TAOK3: variants seen among roughly 807,000 people sequenced by gnomAD.
TAOK3 encodes serine/threonine-protein kinase TAO3.
TAOK3 carries 40 observed loss-of-function variants against 120.4 expected under a neutral mutation model. The observed-to-expected ratio is 0.33, with a 90% confidence interval of 0.26 to 0.43. The LOEUF (loss-of-function observed/expected upper bound fraction) is 0.43, where lower values mean the gene tolerates loss of function less well. TAOK3 is among the 20% of genes least tolerant of loss of function. The probability of loss-of-function intolerance (pLI) is 1.00; values close to 1 mark genes in which losing one functional copy is unlikely to be tolerated. For missense variants in TAOK3, 821 were observed against 1,112.1 expected (o/e 0.74, Z 3.72); for synonymous variants, 355 against 387.5 (o/e 0.92, Z 0.99).
At position 118,372,886 on chromosome 12, in the gene TAOK3, T is replaced by G. The variant is rs1004024551; in HGVS notation, c.-432A>C. The G allele has an allele frequency of 6.5e-6, 1 of 154,464 alleles. No individual in the cohort carries two copies. Among genetic ancestry groups the G allele is most frequent in the African/African-American group, 2.4e-5 (1 of 41,472 alleles). 9.6% of individuals were successfully genotyped at this position (154,464 alleles called of 1,614,324 possible). A position where few individuals can be genotyped will look rare whatever the true frequency, so the allele number is the denominator to read the frequency against. ...ACCCTCCCGCGGCCGCCGCCGCTGCTGCTGTCCGAGGTGCGGCTCCTGCCA... is the reference window on the plus strand; with the variant it reads ...ACCCTCCCGCGGCCGCCGCCGCTGCGGCTGTCCGAGGTGCGGCTCCTGCCA... On this transcript the variant is annotated 5_prime_UTR_variant, in exon 1 of 21. Transcript: ENST00000392533. This position sits in a 1 kb window ranked among gnomAD's most constrained non-coding sequence, Gnocchi z 4.6.
Position 118,160,740 on chromosome 12 carries a change from CCCT to C in TAOK3, c.2140-385_2140-383del, listed in dbSNP as rs1392888841. On this transcript the variant is annotated intron_variant, in intron 18 of 20. Transcript: ENST00000392533. The surrounding 1 kb of genome is among the most constrained non-coding windows in gnomAD (Gnocchi z 4.2). ...TCTTCCATTGTTCATTGTTTTTCCCCCCTTTTTTTTTGTTTCTGTGTTTCACCC... is the reference window on the plus strand; with the variant it reads ...TCTTCCATTGTTCATTGTTTTTCCCCTTTTTTTTGTTTCTGTGTTTCACCC... 6.6e-6 allele frequency among the ~76,000 whole-genome samples: 1 copy of C among 152,104 alleles called. No homozygotes were observed. The highest frequency in any genetic ancestry group is 2.4e-5 in the African/African-American group (1 of 41,412).
At chr12:118,285,322 C>T (rs983484657) in intron 1 of TAOK3, among the ~76,000 whole-genome samples, 12 of 151,996 alleles carry the variant, frequency 7.9e-5, no homozygotes, top group African/African-American at 1.2e-4. Context: ...GGATTACAGG[C>T]GTGAGCCACT....
chr12:118,333,680 A>G (rs1222562140), intron 1 of TAOK3, among the ~76,000 whole-genome samples: 1 of 152,096 alleles, frequency 6.6e-6, no homozygotes, highest in African/African-American at 2.4e-5. Context: ...AGAAAAATCA[A>G]TGAAATCAAA....
chr12:118,306,393 G>C (rs1206604154), intron 1 of TAOK3, among the ~76,000 whole-genome samples: 1 of 152,014 alleles, frequency 6.6e-6, no homozygotes, highest in Non-Finnish European at 1.5e-5. Flanking sequence ...GCCCAGGCTA[G>C]TGTCGAACTC....
At chr12:118,162,563 T>C (rs1332123065) in intron 17 of TAOK3, among the ~76,000 whole-genome samples, 1 of 152,160 alleles carries the variant, frequency 6.6e-6, no homozygotes, top group South Asian at 2.1e-4. Flanking sequence ...ACTGATAATA[T>C]CTGCAATGTT....
At chr12:118,306,378 A>G (rs570705690) in intron 1 of TAOK3, among the ~76,000 whole-genome samples, 1 of 152,052 alleles carries the variant, frequency 6.6e-6, no homozygotes, top group African/African-American at 2.4e-5. Flanking sequence ...GGGTCTCACT[A>G]TGTTGCCCAG....
Position 118,150,893 on chromosome 12 carries a change from T to A in TAOK3, c.*104A>T, listed in dbSNP as rs1179628628. ...CAGTAAGAGTAAGAGAGAGAGAGAGTGAGAGCAACGCCCGTTAAAATGGGG... is the reference window on the plus strand; with the variant it reads ...CAGTAAGAGTAAGAGAGAGAGAGAGAGAGAGCAACGCCCGTTAAAATGGGG... On this transcript the variant is annotated 3_prime_UTR_variant, in exon 21 of 21. Coordinates refer to ENST00000392533, the MANE Select transcript of TAOK3 (RefSeq NM_016281.4). 1.7e-5 allele frequency: 19 copies of A among 1,121,672 alleles called. No homozygotes were observed. The highest frequency in any genetic ancestry group is 3.0e-4 in the Middle Eastern group (1 of 3,334). 69.5% of individuals were successfully genotyped at this position (1,121,672 alleles called of 1,614,324 possible).
intron 1 of TAOK3, among the ~76,000 whole-genome samples, chr12:118,358,565 G>C (rs2045485002): frequency 6.6e-6 from 1 of 152,112 alleles, no homozygotes; most frequent in Admixed American, 6.5e-5. Context: ...ATCCATTTAA[G>C]ATGACCTTCA....
At chr12:118,205,176 ATAAAAATAATAAATAAGAAG>A (rs1327262844) in intron 11 of TAOK3, among the ~76,000 whole-genome samples, 1 of 151,818 alleles carries the variant, frequency 6.6e-6, no homozygotes, top group East Asian at 1.9e-4. Flanking sequence ...TTTAAAAAAA[ATAAAAATAATAAATAAGAAG>A]TAAAAATAAA....
chr12:118,185,377 G>A (rs1310486030), intron 14 of TAOK3, among the ~76,000 whole-genome samples: 1 of 152,078 alleles, frequency 6.6e-6, no homozygotes, highest in Admixed American at 6.6e-5. Context: ...CACTGCACTA[G>A]AAGGGTAATA....
intron 1 of TAOK3, among the ~76,000 whole-genome samples, chr12:118,303,987 C>T (rs1177248478): frequency 6.6e-6 from 1 of 152,184 alleles, no homozygotes; most frequent in African/African-American, 2.4e-5. Flanking sequence ...CAGGTAACTT[C>T]TCTCTTTACA....
At chr12:118,189,319 C>A (rs956444961) in intron 14 of TAOK3, among the ~76,000 whole-genome samples, 1 of 152,132 alleles carries the variant, frequency 6.6e-6, no homozygotes, top group East Asian at 1.9e-4. Context: ...TATATTTTAT[C>A]TTTTGATGTG....
In TAOK3 at chr12:118,307,676, A is replaced by G. The variant is rs571152751; in HGVS notation, c.-193-40917T>C. Among the ~76,000 whole-genome samples, 5 of 152,222 alleles carry G rather than the reference A, an allele frequency of 3.3e-5. 1 individual carries two copies. The East Asian group carries it at 9.7e-4, about 29-fold the overall frequency. ...AAGCACTTGATACTAGAGTTCTACCACTAGCTAGCCAGCTAGAGGTCTCGG... is the reference window on the plus strand; with the variant it reads ...AAGCACTTGATACTAGAGTTCTACCGCTAGCTAGCCAGCTAGAGGTCTCGG... On this transcript the variant is annotated intron_variant, in intron 1 of 20. Coordinates refer to ENST00000392533, the MANE Select transcript of TAOK3 (RefSeq NM_016281.4).
At chr12:118,348,742 G>A (rs1206722445) in intron 1 of TAOK3, among the ~76,000 whole-genome samples, 2 of 151,826 alleles carry the variant, frequency 1.3e-5, no homozygotes, top group Admixed American at 6.6e-5. Context: ...GAGCCACTGC[G>A]CCCAGCCTCT....
chr12:118,294,974 C>T (rs772919701), intron 1 of TAOK3, among the ~76,000 whole-genome samples: 4 of 151,864 alleles, frequency 2.6e-5, no homozygotes, highest in Non-Finnish European at 4.4e-5. Context: ...TCCAAGTGGA[C>T]GCACTGAGTT....
In TAOK3 at chr12:118,161,740, G is replaced by C. The variant is rs1295145451; in HGVS notation, c.2139+48C>G. The C allele has an allele frequency of 2.5e-6, 4 of 1,599,348 alleles. No homozygotes were observed. Among genetic ancestry groups the C allele is most frequent in the Non-Finnish European group, 3.4e-6 (4 of 1,169,978 alleles). Reference sequence around the variant, plus strand: ...TCAGGTGACTCTGACACTTCAGGTAGAGAAACCACTGATCTGGTCCAACAC... The same window carrying C: ...TCAGGTGACTCTGACACTTCAGGTACAGAAACCACTGATCTGGTCCAACAC... On this transcript the variant is annotated intron_variant, in intron 18 of 20. Coordinates refer to ENST00000392533, the MANE Select transcript of TAOK3 (RefSeq NM_016281.4). This position sits in a 1 kb window ranked among gnomAD's most constrained non-coding sequence, Gnocchi z 4.5.
chr12:118,211,782 C>T (rs1184466083), intron 11 of TAOK3, among the ~76,000 whole-genome samples: 2 of 152,002 alleles, frequency 1.3e-5, no homozygotes, highest in African/African-American at 2.4e-5. Flanking sequence ...TACCCAGCTC[C>T]ACATTTTTTC....
chr12:118,275,831 T>A (rs930220822), intron 1 of TAOK3, among the ~76,000 whole-genome samples: 4 of 152,140 alleles, frequency 2.6e-5, no homozygotes, highest in African/African-American at 9.7e-5. Context: ...GCAGGATAGA[T>A]CTCTCTGATA....
intron 2 of TAOK3, among the ~76,000 whole-genome samples, chr12:118,261,018 T>C (rs997281844): frequency 1.6e-4 from 24 of 152,124 alleles, no homozygotes; most frequent in Non-Finnish European, 3.4e-4. Flanking sequence ...CTACAATGTC[T>C]GAGATTTAAA....
Sources: gnomAD v4.1 joint callset for allele counts (sites outside exome capture counted in the v4.1 genomes callset) on GRCh38, gnomAD v4.1.1 for gene constraint, Gnocchi (gnomAD v3.1) non-coding constraint, MANE v1.5 for transcripts, NCBI Gene and HGNC (gene_info 2026-07-23, HGNC 2026-07-21) for gene names.